Variants in ERC1 observed in about 807,000 individuals in gnomAD.
ERC1 encodes the protein ELKS/RAB6-interacting/CAST family member 1, also known as RAB6 interacting protein 2.
ERC1 carries 56 observed loss-of-function variants against 132.0 expected under a neutral mutation model. The observed-to-expected ratio is 0.42, with a 90% CI of 0.34 to 0.53. The LOEUF is 0.53. Ranked by LOEUF, ERC1 falls within the 20% of genes least tolerant of loss-of-function variation. The pLI is 0.03. For missense variants in ERC1, 1,202 were observed against 1,349.9 expected (o/e 0.89, Z 1.72); for synonymous variants, 478 against 476.1 (o/e 1.00, Z -0.05).
chr12:1,187,956 A>T (rs1043052146), intron 11 of ERC1, among the ~76,000 whole-genome samples: 6 of 152,226 alleles, frequency 3.9e-5, no homozygotes, highest in African/African-American at 1.4e-4. Flanking sequence ...TCCTAACAAA[A>T]GCGACACTTT....
intron 14 of ERC1, among the ~76,000 whole-genome samples, chr12:1,267,701 G>T (rs930022605): frequency 6.6e-6 from 1 of 152,204 alleles, no homozygotes; most frequent in Non-Finnish European, 1.5e-5. Flanking sequence ...GTTTGAGGCT[G>T]CAGTGAGCCA....
chr12:1,322,732 G>A (rs989479627), intron 15 of ERC1, among the ~76,000 whole-genome samples: 2 of 151,964 alleles, frequency 1.3e-5, no homozygotes, highest in Non-Finnish European at 2.9e-5. Context: ...GACATAACTT[G>A]TCTCAGTCAT....
At chr12:1,314,610 T>G (rs1266676089) in intron 15 of ERC1, among the ~76,000 whole-genome samples, 2 of 152,214 alleles carry the variant, frequency 1.3e-5, no homozygotes, top group Admixed American at 6.5e-5. Flanking sequence ...TAAATTGACA[T>G]AAGGTATTTT....
intron 12 of ERC1, among the ~76,000 whole-genome samples, chr12:1,221,079 C>G (rs1199078484): frequency 3.3e-5 from 5 of 152,186 alleles, no homozygotes; most frequent in African/African-American, 9.6e-5. Flanking sequence ...CACTGTCTGA[C>G]ATACCATGTA....
At chr12:1,103,191 A>G (rs1479866376) in intron 3 of ERC1, among the ~76,000 whole-genome samples, 2 of 152,234 alleles carry the variant, frequency 1.3e-5, no homozygotes, top group South Asian at 2.1e-4. Flanking sequence ...CCAAGACTGG[A>G]AAGAAGTGAA....
intron 7 of ERC1, among the ~76,000 whole-genome samples, chr12:1,118,040 C>T (rs1946641181): frequency 6.6e-6 from 1 of 152,202 alleles, no homozygotes; most frequent in South Asian, 2.1e-4. Flanking sequence ...TATCCATCCC[C>T]TCAATCGTGT....
intron 2 of ERC1, among the ~76,000 whole-genome samples, chr12:1,075,202 T>C (rs1378087260): frequency 6.6e-6 from 1 of 152,130 alleles, no homozygotes; most frequent in Non-Finnish European, 1.5e-5. Context: ...AAATTAGAAT[T>C]CAGTTGACGT....
chr12:1,041,991 C>T (rs1970286768), intron 2 of ERC1, among the ~76,000 whole-genome samples: 1 of 152,106 alleles, frequency 6.6e-6, no homozygotes, highest in Admixed American at 6.5e-5. Context: ...TCAGATGATC[C>T]ACCCGCCTTG....
chr12:1,128,548 T>A (rs1008704825), intron 7 of ERC1, among the ~76,000 whole-genome samples: 3 of 152,138 alleles, frequency 2.0e-5, no homozygotes, highest in East Asian at 1.9e-4. Context: ...ACTAGCTGTT[T>A]AGTACAGTGT....
chr12:999,895 C>T (rs1405627499), intron 1 of ERC1, among the ~76,000 whole-genome samples: 3 of 151,872 alleles, frequency 2.0e-5, no homozygotes, highest in Non-Finnish European at 2.9e-5. Context: ...GTGCCCAGCC[C>T]GCTAGGTGAT....
At chr12:1,252,244 A>G (rs1417157891) in intron 13 of ERC1, among the ~76,000 whole-genome samples, 1 of 152,212 alleles carries the variant, frequency 6.6e-6, no homozygotes, top group Admixed American at 6.5e-5. Flanking sequence ...ATTTTTTAAG[A>G]GAACAGAAGC....
chr12:1,218,833 T>C (rs577666755), intron 12 of ERC1, among the ~76,000 whole-genome samples: 9,112 of 148,468 alleles, frequency 0.061, 292 homozygotes, highest in Non-Finnish European at 0.069. Flanking sequence ...TATATATATA[T>C]ACACACACAC....
At chr12:1,179,798 C>T (rs544453346) in intron 8 of ERC1, among the ~76,000 whole-genome samples, 9 of 152,286 alleles carry the variant, frequency 5.9e-5, no homozygotes, top group South Asian at 2.1e-4. Flanking sequence ...TGAGCCACCG[C>T]GCCCGGCCTC....
At chr12:1,302,799 A>G (rs2080504620) in intron 15 of ERC1, among the ~76,000 whole-genome samples, 1 of 151,918 alleles carries the variant, frequency 6.6e-6, no homozygotes, top group African/African-American at 2.4e-5. Context: ...CTGTCGCTAC[A>G]AAAAAAGAAA....
intron 15 of ERC1, among the ~76,000 whole-genome samples, chr12:1,328,941 T>G (rs1341510531): frequency 7.3e-6 from 1 of 136,282 alleles, no homozygotes; most frequent in African/African-American, 2.8e-5. Context: ...TGGAACTTTT[T>G]AGAGGTGATT....
At chr12:1,335,785 G>A (rs184380532) in intron 15 of ERC1, among the ~76,000 whole-genome samples, 45 of 152,272 alleles carry the variant, frequency 3.0e-4, no homozygotes, top group African/African-American at 1.0e-3. Flanking sequence ...ATTTGAAATA[G>A]TTTCAGGGGT....
At chr12:1,242,315 A>G (rs1202669719) in intron 13 of ERC1, among the ~76,000 whole-genome samples, 1 of 152,068 alleles carries the variant, frequency 6.6e-6, no homozygotes, top group African/African-American at 2.4e-5. Context: ...GAATATTATC[A>G]CTTGTAATTT....
chr12:1,136,409 T>G (rs548645180), intron 7 of ERC1, among the ~76,000 whole-genome samples: 1 of 152,208 alleles, frequency 6.6e-6, no homozygotes, highest in Non-Finnish European at 1.5e-5. Context: ...TTCTGTACTT[T>G]TAGAAAATAT....
intron 15 of ERC1, among the ~76,000 whole-genome samples, chr12:1,345,441 C>G (rs1026756166): frequency 3.3e-5 from 5 of 152,084 alleles, no homozygotes; most frequent in African/African-American, 9.7e-5. Context: ...CCTCGGCCTC[C>G]CAAAGTGCTG....
Sources: gnomAD v4.1 joint callset for allele counts (sites outside exome capture counted in the v4.1 genomes callset) on GRCh38, gnomAD v4.1.1 for gene constraint, MANE v1.5 for transcripts, NCBI Gene and HGNC (gene_info 2026-07-23, HGNC 2026-07-21) for gene names.